KCTD18: variants seen among roughly 807,000 people sequenced by gnomAD.
KCTD18 encodes potassium channel tetramerization domain containing 18.
KCTD18 carries 22 observed loss-of-function variants against 30.4 expected under a neutral mutation model. The observed-to-expected ratio is 0.72, with a 90% CI of 0.52 to 1.03. The LOEUF is 1.03. Among genes scored for constraint, KCTD18 ranks in the 50% least tolerant of loss-of-function variants. The probability of loss-of-function intolerance (pLI) is 0.00; values close to 1 mark genes in which losing one functional copy is unlikely to be tolerated. For missense variants in KCTD18, 529 were observed against 547.6 expected, an observed-to-expected ratio of 0.97 and a Z score of 0.34; for synonymous variants, 186 against 209.0, an observed-to-expected ratio of 0.89 and a Z score of 0.95.
chr2:200,497,476 C>G, intron 5 of KCTD18: 1 of 289,204 alleles, frequency 3.5e-6, no homozygotes, highest in Non-Finnish European at 6.4e-6. Context: ...TTCCAATGCA[C>G]AGTAGGTACT....
Position 200,509,947 on chromosome 2 carries a change from C to T in KCTD18, c.-395G>A, listed in dbSNP as rs545669851. 1.6e-4 allele frequency: 24 copies of T among 151,600 alleles called. No individual in the cohort carries two copies. The highest frequency in any genetic ancestry group is 1.4e-3 in the Admixed American group (21 of 15,188). The allele number at this position is 151,600 out of a possible 1,614,324, so 9.4% of individuals were successfully genotyped here. A position where few individuals can be genotyped will look rare whatever the true frequency, so the allele number is the denominator to read the frequency against. On this transcript the variant is annotated 5_prime_UTR_variant, in exon 1 of 7. Transcript: ENST00000359878. Reference sequence around the variant, plus strand: ...CCCCGCCGCCTTCCGGGCCCGCGGCCCATCCCGCGCCCGGCTCTTCCGCAC... The same window carrying T: ...CCCCGCCGCCTTCCGGGCCCGCGGCTCATCCCGCGCCCGGCTCTTCCGCAC...
At chr2:200,492,910 T>C (rs982427436) in intron 6 of KCTD18, among the ~76,000 whole-genome samples, 1 of 103,168 alleles carries the variant, frequency 9.7e-6, no homozygotes, top group South Asian at 2.7e-4. Flanking sequence ...ATGCCCACTG[T>C]GTCCACTAGT....
chr2:200,506,261 A>G (rs552702192), intron 2 of KCTD18, among the ~76,000 whole-genome samples: 1 of 152,284 alleles, frequency 6.6e-6, no homozygotes, highest in South Asian at 2.1e-4. Flanking sequence ...TGAGTACCAG[A>G]GCACTGGAAG....
chr2:200,503,460 C>T (rs1017964244), intron 3 of KCTD18, among the ~76,000 whole-genome samples: 14 of 152,132 alleles, frequency 9.2e-5, no homozygotes, highest in African/African-American at 3.4e-4. Context: ...GTCACAGGCA[C>T]TTGAAACAAA....
intron 6 of KCTD18, among the ~76,000 whole-genome samples, chr2:200,491,541 A>C (rs1262757331): frequency 3.3e-5 from 5 of 152,238 alleles, no homozygotes. Flanking sequence ...ATCATTCTAT[A>C]GTGAAACCTT....
chr2:200,503,182 A>G (rs1341609244), intron 3 of KCTD18, among the ~76,000 whole-genome samples: 1 of 152,162 alleles, frequency 6.6e-6, no homozygotes, highest in East Asian at 1.9e-4. Context: ...CAGGTACTAT[A>G]TTGTGTTCAC....
At chr2:200,501,638 C>T (rs1481128899) in intron 3 of KCTD18, among the ~76,000 whole-genome samples, 9 of 137,028 alleles carry the variant, frequency 6.6e-5, no homozygotes, top group Non-Finnish European at 1.1e-4. Flanking sequence ...CAGGAAACAA[C>T]AGGTGCTGGA....
chr2:200,505,019 C>T, intron 2 of KCTD18, 60 bp from the exon 3 acceptor site: 3 of 1,352,232 alleles, frequency 2.2e-6, no homozygotes, highest in Non-Finnish European at 3.1e-6. Context: ...AAGATTTCAA[C>T]AAATCAAACT....
chr2:200,497,913 G>T, intron 4 of KCTD18, 66 bp from the exon 5 acceptor site: 1 of 1,033,376 alleles, frequency 9.7e-7, no homozygotes, highest in Non-Finnish European at 1.5e-6. Context: ...TATACATACA[G>T]CTAATATACA....
rs747050814 is a variant in KCTD18, at chr2:200,506,859, G to C, written c.158C>G (p.Ser53Ter). Reference protein sequence around the residue: ...SGRFPLKTDESGACVIDRDGR... With the variant: ...SGRFPLKTDE ...GCTTTCAGACTTTAGACATTTACCT[G>C]ACTCATCTGTTTTTAGAGGAAAGCG... Residue 53 changes from serine to a stop codon, truncating the protein, a stop_gained and splice_region_variant, in exon 2 of 7, where the codon TCA becomes TGA. Transcript: ENST00000359878. LOFTEE classifies it high-confidence loss of function. 1.9e-6 allele frequency: 3 copies of C among 1,613,296 alleles called. No individual in the cohort carries two copies. Among genetic ancestry groups the C allele is most frequent in the Non-Finnish European group, 2.5e-6 (3 of 1,179,748 alleles).
At chr2:200,498,028 TATATA>T (rs1476603922) in intron 4 of KCTD18, among the ~76,000 whole-genome samples, 181 bp from the exon 5 acceptor site, 1 of 152,008 alleles carries the variant, frequency 6.6e-6, no homozygotes, top group Non-Finnish European at 1.5e-5. Context: ...ATGTACACAT[TATATA>T]ATATACTAAC....
chr2:200,490,220 G>T lies in KCTD18; in HGVS notation c.1161C>A (p.Thr387=). 6.3e-7 allele frequency: 1 copy of T among 1,580,390 alleles called. No individual in the cohort carries two copies. The highest frequency in any genetic ancestry group is 1.3e-5 in the African/African-American group (1 of 74,762). ...IKLKRTPLCA[T]APCLPSPTAT... ...CCGTGGGGGAGGGCAGGCAAGGCGC[G>T]GTGGCGCACAGCGGAGTCCTCTTCA... The change falls in exon 7 of 7, where the codon ACC becomes ACA. Residue 387 remains threonine (T), a synonymous_variant. Transcript: ENST00000359878.
intron 2 of KCTD18, among the ~76,000 whole-genome samples, chr2:200,505,711 A>C (rs6712529): frequency 0.35 from 53,926 of 151,962 alleles, 10,511 homozygotes; most frequent in East Asian, 0.61. Context: ...CAACACTACA[A>C]ATCTGGGGTT....
rs2087885271 is a variant in KCTD18, at chr2:200,490,156, C to T, written c.1225G>A (p.Glu409Lys). 1 of 1,608,546 alleles carries T rather than the reference C, an allele frequency of 6.2e-7. No homozygotes were observed. Among genetic ancestry groups the T allele is most frequent in the African/African-American group, 1.3e-5 (1 of 74,956 alleles). The change falls in exon 7 of 7, where the codon GAA (glutamate) becomes AAA (lysine). Residue 409 changes from glutamate (E) to lysine (K), a missense_variant. Glu to Lys is a moderately conservative substitution (Grantham distance 56). Transcript: ENST00000359878. ...QANSLKPLPG[E>K]AARALGVRTE... Reference sequence around the variant, plus strand: ...CGCACTCCCAAGGCACGGGCAGCTTCGCCGGGAAGCGGCTTGAGGGAGTTG... The same window carrying T: ...CGCACTCCCAAGGCACGGGCAGCTTTGCCGGGAAGCGGCTTGAGGGAGTTG...
intron 2 of KCTD18, among the ~76,000 whole-genome samples, chr2:200,506,219 T>C (rs958448842): frequency 1.6e-4 from 25 of 152,228 alleles, no homozygotes; most frequent in African/African-American, 6.0e-4. Context: ...TTTGTATTGA[T>C]GAACTTTCTT....
rs781277842 is a variant in KCTD18, at chr2:200,506,873, T to C, written c.144A>G (p.Leu48=). The C allele has an allele frequency of 7.4e-6, 12 of 1,613,950 alleles. No individual in the cohort carries two copies. Among genetic ancestry groups the C allele is most frequent in the East Asian group, 6.7e-5 (3 of 44,888 alleles). Residue 48 remains leucine (L), a synonymous_variant, in exon 2 of 7, where the codon CTA becomes CTG. Transcript: ENST00000359878. ...LASMFSGRFP[L]KTDESGACVI... ...GACATTTACCTGACTCATCTGTTTT[T>C]AGAGGAAAGCGACCACTGAACATAG...
Position 200,507,288 on chromosome 2 carries a change from A to G in KCTD18, c.-75-197T>C, listed in dbSNP as rs80125957. ...TGTTGGCTAAGAGGATTTGTAAAAG[A>G]TAATAAACGACTAACAACCCAATCA... On this transcript the variant is annotated intron_variant, in intron 1 of 6. Coordinates refer to ENST00000359878, the MANE Select transcript of KCTD18 (RefSeq NM_152387.4). Among the ~76,000 whole-genome samples the G allele has an allele frequency of 1.0e-4, 16 of 152,388 alleles. No individual in the cohort carries two copies. The East Asian group carries it at 2.9e-3, about 28-fold the overall frequency.
intron 3 of KCTD18, among the ~76,000 whole-genome samples, chr2:200,500,376 A>G (rs1358724638): frequency 6.6e-6 from 1 of 151,910 alleles, no homozygotes; most frequent in Non-Finnish European, 1.5e-5. Flanking sequence ...GTATATCTAG[A>G]AAACCCCACT....
rs764036088 is a variant in KCTD18 at position 200,498,982 on chromosome 2, T to C, written c.475A>G (p.Ile159Val). Residue 159 changes from isoleucine to valine, a missense_variant, in exon 4 of 7, where the codon ATT becomes GTT. By Grantham distance (29) the Ile-to-Val change is conservative. Transcript: ENST00000359878. Reference sequence around the variant, plus strand: ...GTTTTTGTGGCATATACACCAATAATTCTACTCTCACAGCTTGCACCAGAT... The same window carrying C: ...GTTTTTGTGGCATATACACCAATAACTCTACTCTCACAGCTTGCACCAGAT... ...NTSGASCESR[I>V]IGVYATKTDG... 6.8e-6 allele frequency: 11 copies of C among 1,614,152 alleles called. No homozygotes were observed. The highest frequency in any genetic ancestry group is 9.3e-6 in the Non-Finnish European group (11 of 1,179,986).
Sources: allele counts gnomAD v4.1 joint callset (sites outside exome capture counted in the v4.1 genomes callset), GRCh38; gene constraint gnomAD v4.1.1; transcripts MANE v1.5; gene names NCBI Gene and HGNC (gene_info 2026-07-23, HGNC 2026-07-21).